Variants in EPHA6 observed in about 807,000 individuals in gnomAD.
EPHA6 encodes the protein ephrin type-A receptor 6.
Under a neutral mutation model 112.0 loss-of-function variants are expected in EPHA6, and 50 were observed. That is an observed-to-expected ratio of 0.45 (90% confidence interval 0.36 to 0.56). The LOEUF is 0.56. Ranked by LOEUF, EPHA6 falls within the 20% of genes least tolerant of loss-of-function variation. EPHA6 has a pLI of 0.00. For synonymous variants in EPHA6, 529 were observed against 490.7 expected (o/e 1.08, Z -1.03); for missense variants, 1,280 against 1,417.4 (o/e 0.90, Z 1.56).
At chr3:96,931,021 A>AGAAG (rs1491375183) in intron 2 of EPHA6, among the ~76,000 whole-genome samples, 1 of 146,658 alleles carries the variant, frequency 6.8e-6, no homozygotes, top group Non-Finnish European at 1.5e-5. Context: ...AAAAAAAAAA[A>AGAAG]GAAAAGCTTT....
rs575377669 is a variant in EPHA6, at chr3:97,335,564, T to C, written c.1607-69586T>C. 2.8e-4 allele frequency among the ~76,000 whole-genome samples: 43 copies of C among 152,290 alleles called. 1 individual carries two copies. Among genetic ancestry groups the C allele is most frequent in the African/African-American group, 7.7e-4 (32 of 41,576 alleles). ...AATTACCTGTTCCTTTATGGCACTA[T>C]TGGCTTTTTCGACCATGCACCTCAA... On this transcript the variant is annotated intron_variant, in intron 5 of 17. Transcript: ENST00000389672.
At chr3:96,879,294 T>C (rs1258876664) in intron 2 of EPHA6, among the ~76,000 whole-genome samples, 3 of 152,084 alleles carry the variant, frequency 2.0e-5, no homozygotes, top group Admixed American at 1.3e-4. Flanking sequence ...TTCAAATTTA[T>C]TTCTATCTAC....
At chr3:97,486,916 AT>A (rs1237995550) in intron 10 of EPHA6, among the ~76,000 whole-genome samples, 1 of 152,064 alleles carries the variant, frequency 6.6e-6, no homozygotes, top group Non-Finnish European at 1.5e-5. Flanking sequence ...ATTTTCTTAC[AT>A]TGTTTTGTAT....
At chr3:96,989,178 G>A (rs1030716022) in intron 3 of EPHA6, among the ~76,000 whole-genome samples, 1 of 152,048 alleles carries the variant, frequency 6.6e-6, no homozygotes, top group African/African-American at 2.4e-5. Flanking sequence ...AAAAACATCT[G>A]TATGCATATA....
In EPHA6 at chr3:97,749,530, C is replaced by A. The variant is rs534926615; in HGVS notation, c.*829C>A. Among the ~76,000 whole-genome samples, 3 of 152,078 alleles carry A rather than the reference C, an allele frequency of 2.0e-5. No homozygotes were observed. The highest frequency in any genetic ancestry group is 4.4e-5 in the Non-Finnish European group (3 of 68,020). On this transcript the variant is annotated 3_prime_UTR_variant, in exon 18 of 18. Transcript: ENST00000389672. ...AAAGACCAAGGGTGACTTCATTGAT[C>A]TAATGGCTTTCATAGAGAAAAGCTT...
chr3:97,482,891 C>T (rs375700894), intron 9 of EPHA6, among the ~76,000 whole-genome samples: 1 of 152,106 alleles, frequency 6.6e-6, no homozygotes, highest in South Asian at 2.1e-4. Flanking sequence ...AAAACCATAC[C>T]TAAGATATTC....
rs114837441 is a variant in EPHA6 at position 97,088,678 on chromosome 3, T to C, written c.1114+100685T>C. 2.9e-3 allele frequency among the ~76,000 whole-genome samples: 449 copies of C among 152,300 alleles called. 3 individuals are homozygous for C. The highest frequency in any genetic ancestry group is 9.8e-3 in the African/African-American group (407 of 41,580). ...CTGTTCCTCCTCTTCTTCTGGATTATTCTCCACTTTAGATCTCAGTGCCTG... is the reference window on the plus strand; with the variant it reads ...CTGTTCCTCCTCTTCTTCTGGATTACTCTCCACTTTAGATCTCAGTGCCTG... On this transcript the variant is annotated intron_variant, in intron 3 of 17. Transcript: ENST00000389672.
chr3:97,280,964 T>C (rs1210491798), intron 5 of EPHA6, among the ~76,000 whole-genome samples: 2 of 152,202 alleles, frequency 1.3e-5, no homozygotes, highest in African/African-American at 2.4e-5. Context: ...CTCTGAATAA[T>C]AGTGAAGTTT....
intron 14 of EPHA6, among the ~76,000 whole-genome samples, chr3:97,717,038 T>C (rs2107782714): frequency 6.6e-6 from 1 of 152,116 alleles, no homozygotes; most frequent in Admixed American, 6.5e-5. Flanking sequence ...TTGGTCAGCC[T>C]GGCCGACATG....
chr3:97,195,266 T>A (rs544704407), intron 3 of EPHA6, among the ~76,000 whole-genome samples: 47 of 151,966 alleles, frequency 3.1e-4, no homozygotes, highest in Non-Finnish European at 6.0e-4. Flanking sequence ...CTGTTTTTGA[T>A]TTGAGATAGC....
rs753468050 is a variant in EPHA6, at chr3:97,509,773, A to C, written c.2201-22585A>C. Among the ~76,000 whole-genome samples the C allele has an allele frequency of 2.0e-5, 3 of 152,120 alleles. No homozygotes were observed. The East Asian group carries it at 5.8e-4, about 29-fold the overall frequency. ...GGAAGTTCTCCTGGATAATATCCTG[A>C]AGAGTGTTTTCAAGCTTGGTTCCAT... On this transcript the variant is annotated intron_variant, in intron 10 of 17. Transcript: ENST00000389672.
intron 2 of EPHA6, among the ~76,000 whole-genome samples, chr3:96,873,108 A>G (rs759220138): frequency 5.7e-4 from 86 of 152,000 alleles, no homozygotes; most frequent in South Asian, 4.1e-4. Flanking sequence ...TCTTCACTCA[A>G]AATACAAAAA....
intron 3 of EPHA6, among the ~76,000 whole-genome samples, chr3:97,123,596 A>G (rs566016747): frequency 6.6e-6 from 1 of 152,258 alleles, no homozygotes; most frequent in Non-Finnish European, 1.5e-5. Flanking sequence ...AAGCATGTAA[A>G]TGTTAAGTTA....
At position 97,760,087 on chromosome 3, in the gene EPHA6, T is replaced by TG. The variant is rs764824687; in HGVS notation, c.*11387dup. On this transcript the variant is annotated 3_prime_UTR_variant, in exon 18 of 18. Coordinates refer to ENST00000389672, the MANE Select transcript of EPHA6 (RefSeq NM_001080448.3). ...TAGCTTAATCCTGAAAGATGTATAT[T>TG]GCATAATCAACCTGTCACTTTTTTC... 6 of 183,094 alleles carry TG rather than the reference T, an allele frequency of 3.3e-5. No individual in the cohort carries two copies. The South Asian group carries it at 1.2e-3, about 36-fold the overall frequency. 11.3% of individuals were successfully genotyped at this position (183,094 alleles called of 1,614,324 possible).
At chr3:97,640,460 G>T (rs1011075594) in intron 14 of EPHA6, among the ~76,000 whole-genome samples, 1 of 152,040 alleles carries the variant, frequency 6.6e-6, no homozygotes. Flanking sequence ...AAACATAGAC[G>T]CATGTCTTAG....
At chr3:96,863,007 G>C (rs1344433905) in intron 1 of EPHA6, among the ~76,000 whole-genome samples, 1 of 151,916 alleles carries the variant, frequency 6.6e-6, no homozygotes, top group East Asian at 1.9e-4. Flanking sequence ...CAGTTACACA[G>C]ACACATTCTA....
At chr3:97,427,564 G>T (rs2089226150) in intron 6 of EPHA6, among the ~76,000 whole-genome samples, 2 of 150,886 alleles carry the variant, frequency 1.3e-5, no homozygotes, top group South Asian at 4.2e-4. Flanking sequence ...GGAGGAAGAG[G>T]GCCAGGAAAA....
intron 5 of EPHA6, 43 bp downstream of exon 5, chr3:97,244,330 T>C: frequency 6.5e-7 from 1 of 1,540,578 alleles, no homozygotes. Context: ...CCATAATTTC[T>C]TTTGATGCAT....
At chr3:97,289,904 C>T (rs1281875878) in intron 5 of EPHA6, among the ~76,000 whole-genome samples, 4 of 151,990 alleles carry the variant, frequency 2.6e-5, no homozygotes, top group African/African-American at 9.7e-5. Flanking sequence ...TTTCAAAGAA[C>T]CAACTTTTAT....
Sources: gnomAD v4.1 joint callset for allele counts (sites outside exome capture counted in the v4.1 genomes callset) on GRCh38, gnomAD v4.1.1 for gene constraint, MANE v1.5 for transcripts, NCBI Gene and HGNC (gene_info 2026-07-23, HGNC 2026-07-21) for gene names.